Variants in LRRN2 observed in about 807,000 individuals in gnomAD.
The protein encoded by LRRN2 is leucine rich repeat neuronal 2.
Under a neutral mutation model 35.7 loss-of-function variants are expected in LRRN2, and 10 were observed. The ratio of observed to expected loss-of-function variants is 0.28; its 90% CI spans 0.17 to 0.47. LRRN2 has a LOEUF of 0.47. LRRN2 is among the 20% of genes least tolerant of loss of function. The pLI, the probability that LRRN2 is intolerant of heterozygous loss-of-function variation, is 0.99. For missense variants in LRRN2, 731 were observed against 940.3 expected (o/e 0.78, Z 2.91); for synonymous variants, 391 against 409.6 (o/e 0.95, Z 0.55).
chr1:204,643,205 T>C (rs187425262), intron 1 of LRRN2, among the ~76,000 whole-genome samples: 2 of 152,348 alleles, frequency 1.3e-5, no homozygotes, highest in East Asian at 3.9e-4. Context: ...AAAGGAGACA[T>C]CGTCAGAAAC....
Position 204,619,882 on chromosome 1 carries a change from G to C in LRRN2, c.111C>G (p.Ile37Met), listed in dbSNP as rs1184668021. ...VPCPPQCACQIRPWYTPRSSY... is the reference protein window; with the variant it reads ...VPCPPQCACQMRPWYTPRSSY... ...ACGAGCGGGGCGTATACCAGGGCCGGATCTGGCAGGCACACTGAGGGGGGC... is the reference window on the plus strand; with the variant it reads ...ACGAGCGGGGCGTATACCAGGGCCGCATCTGGCAGGCACACTGAGGGGGGC... The change falls in exon 2 of 2, where the codon ATC becomes ATG. Residue 37 changes from isoleucine to methionine, a missense_variant. By Grantham distance (10) the Ile-to-Met change is conservative. Around this residue, in one of 3 missense-constraint regions of LRRN2, gnomAD observed 246 missense variants for 289.5 expected, o/e 0.85. Coordinates refer to ENST00000367177, the MANE Select transcript of LRRN2 (RefSeq NM_201630.2). 1.2e-6 allele frequency: 2 copies of C among 1,613,926 alleles called. No homozygotes were observed. Among genetic ancestry groups the C allele is most frequent in the East Asian group, 2.2e-5 (1 of 44,878 alleles).
At chr1:204,641,997 C>T (rs1358138603) in intron 1 of LRRN2, among the ~76,000 whole-genome samples, 2 of 152,068 alleles carry the variant, frequency 1.3e-5, no homozygotes, top group South Asian at 2.1e-4. Context: ...TATCTGTGCA[C>T]GTGAGTGCAT....
At chr1:204,680,046 G>A (rs1668913821) in intron 1 of LRRN2, among the ~76,000 whole-genome samples, 1 of 152,208 alleles carries the variant, frequency 6.6e-6, no homozygotes, top group South Asian at 2.1e-4. Flanking sequence ...CCAGATTCCG[G>A]GGTGGTGAAG....
chr1:204,654,474 A>C (rs1668302195), intron 1 of LRRN2, among the ~76,000 whole-genome samples: 1 of 152,212 alleles, frequency 6.6e-6, no homozygotes, highest in South Asian at 2.1e-4. Flanking sequence ...TTAGAATGAA[A>C]GCCTGCTTTC....
intron 1 of LRRN2, among the ~76,000 whole-genome samples, chr1:204,649,142 T>C (rs1424284411): frequency 6.6e-6 from 1 of 152,112 alleles, no homozygotes; most frequent in Admixed American, 6.5e-5. Context: ...CTTCAACCAG[T>C]GGCGGCGACT....
intron 1 of LRRN2, among the ~76,000 whole-genome samples, chr1:204,650,914 C>A (rs1668209127): frequency 6.6e-6 from 1 of 152,154 alleles, no homozygotes; most frequent in African/African-American, 2.4e-5. Context: ...TCCAAAGACT[C>A]CCACACTCTA....
chr1:204,646,133 A>G (rs1231145171), intron 1 of LRRN2, among the ~76,000 whole-genome samples: 1 of 151,746 alleles, frequency 6.6e-6, no homozygotes, highest in Non-Finnish European at 1.5e-5. Flanking sequence ...GGGGAGGAAG[A>G]CCTCCATGGT....
At chr1:204,646,740 T>C (rs981316047) in intron 1 of LRRN2, among the ~76,000 whole-genome samples, 6 of 152,254 alleles carry the variant, frequency 3.9e-5, no homozygotes, top group African/African-American at 1.4e-4. Flanking sequence ...AATAATGTTT[T>C]TGATATATTG....
chr1:204,682,705 A>G (rs1419091013), intron 1 of LRRN2, among the ~76,000 whole-genome samples: 1 of 152,208 alleles, frequency 6.6e-6, no homozygotes, highest in African/African-American at 2.4e-5. Context: ...TGTCTGAAGC[A>G]CCAGCCTTCT....
In LRRN2 at chr1:204,685,397, T is replaced by C. The variant is rs1162241885; in HGVS notation, c.-304A>G. On this transcript the variant is annotated 5_prime_UTR_variant, in exon 1 of 2. Transcript: ENST00000367177. Reference sequence around the variant, plus strand: ...GCTCGCCTTCCGCCCGGGGCCGGGCTGGGGACGCTGGTCCGCGCCCTCCCG... The same window carrying C: ...GCTCGCCTTCCGCCCGGGGCCGGGCCGGGGACGCTGGTCCGCGCCCTCCCG... The C allele has an allele frequency of 6.6e-5, 10 of 151,378 alleles. No individual in the cohort carries two copies. Among genetic ancestry groups the C allele is most frequent in the Non-Finnish European group, 1.2e-4 (8 of 67,854 alleles). The allele number at this position is 151,378 out of a possible 1,614,324, so 9.4% of individuals were successfully genotyped here. A position where few individuals can be genotyped will look rare whatever the true frequency, so the allele number is the denominator to read the frequency against.
intron 1 of LRRN2, among the ~76,000 whole-genome samples, chr1:204,654,188 T>C (rs1390821006): frequency 6.6e-6 from 1 of 152,170 alleles, no homozygotes; most frequent in Admixed American, 6.5e-5. Flanking sequence ...TGTAAGTACA[T>C]GATATACTGC....
At chr1:204,650,253 G>C (rs548710385) in intron 1 of LRRN2, among the ~76,000 whole-genome samples, 1 of 152,388 alleles carries the variant, frequency 6.6e-6, no homozygotes, top group African/African-American at 2.4e-5. Context: ...TCAGGAGTGA[G>C]ATGACAATTC....
intron 1 of LRRN2, among the ~76,000 whole-genome samples, chr1:204,673,179 T>C (rs926092178): frequency 1.3e-5 from 2 of 152,208 alleles, no homozygotes; most frequent in Admixed American, 6.5e-5. Context: ...TTGTGCACAG[T>C]AGATGTTCAA....
intron 1 of LRRN2, among the ~76,000 whole-genome samples, chr1:204,679,581 A>C (rs1668895319): frequency 1.3e-5 from 2 of 152,214 alleles, no homozygotes; most frequent in South Asian, 4.1e-4. Flanking sequence ...GTTTGTAAAT[A>C]GGAACAATTG....
intron 1 of LRRN2, among the ~76,000 whole-genome samples, chr1:204,681,081 C>A (rs1480429667): frequency 1.3e-5 from 2 of 152,052 alleles, no homozygotes; most frequent in Non-Finnish European, 2.9e-5. Flanking sequence ...CTCAGCCTCC[C>A]AAGTAGCTGG....
At chr1:204,681,570 G>T (rs1668956303) in intron 1 of LRRN2, among the ~76,000 whole-genome samples, 1 of 152,188 alleles carries the variant, frequency 6.6e-6, no homozygotes. Context: ...TGTGGCTCTA[G>T]AATCTCTACT....
intron 1 of LRRN2, among the ~76,000 whole-genome samples, chr1:204,630,099 T>A (rs1307049109): frequency 6.6e-6 from 1 of 152,076 alleles, no homozygotes; most frequent in Non-Finnish European, 1.5e-5. Flanking sequence ...AAATAAAAAT[T>A]GAAATAAAAA....
chr1:204,667,320 A>G (rs938657556), intron 1 of LRRN2, among the ~76,000 whole-genome samples: 2 of 152,202 alleles, frequency 1.3e-5, no homozygotes, highest in Non-Finnish European at 2.9e-5. Context: ...GATGAAGGGT[A>G]CTGTGGACTT....
intron 1 of LRRN2, among the ~76,000 whole-genome samples, chr1:204,656,176 TG>T (rs762699141): frequency 6.6e-6 from 1 of 152,238 alleles, no homozygotes; most frequent in Non-Finnish European, 1.5e-5. Context: ...CCCAAAGTGC[TG>T]GGATTACAGG....
Sources: allele counts gnomAD v4.1 joint callset (sites outside exome capture counted in the v4.1 genomes callset), GRCh38; gene constraint gnomAD v4.1.1; regional missense constraint gnomAD v4.1.1; transcripts MANE v1.5; gene names NCBI Gene and HGNC (gene_info 2026-07-23, HGNC 2026-07-21).